The following ZNF607 variants were observed in gnomAD, a reference collection of about 807,000 sequenced individuals.
The protein encoded by ZNF607 is zinc finger protein 607.
Under a neutral mutation model 12.8 loss-of-function variants are expected in ZNF607, and 5 were observed. The observed-to-expected ratio is 0.39, with a 90% CI of 0.20 to 0.82. The LOEUF (loss-of-function observed/expected upper bound fraction) is 0.82. Among genes scored for constraint, ZNF607 ranks in the 40% least tolerant of loss-of-function variants. The pLI is 0.39. For missense variants in ZNF607, 851 were observed against 859.2 expected, an observed-to-expected ratio of 0.99 and a Z score of 0.12; for synonymous variants, 287 against 276.2, an observed-to-expected ratio of 1.04 and a Z score of -0.39.
At chr19:37,714,746 G>C (rs969493559) in intron 1 of ZNF607, among the ~76,000 whole-genome samples, 3 of 151,892 alleles carry the variant, frequency 2.0e-5, no homozygotes, top group Non-Finnish European at 4.4e-5. Context: ...CCTACTTAAC[G>C]AGACAGTTCT....
At chr19:37,702,287 C>CAAAAA (rs10714690) in intron 4 of ZNF607, among the ~76,000 whole-genome samples, 72 of 73,456 alleles carry the variant, frequency 9.8e-4, no homozygotes, top group East Asian at 2.2e-3. Context: ...AACTCCATCT[C>CAAAAA]AAAAAAAAAA....
At position 37,711,674 on chromosome 19, in the gene ZNF607, A is replaced by G. The variant is rs2045134872; in HGVS notation, c.-56T>C. On this transcript the variant is annotated 5_prime_UTR_variant, in exon 2 of 5. Transcript: ENST00000355202. The stretch of plus-strand genomic sequence containing the variant: ...TTGGCGTTTCTCTACCAGAAGAGCA[A>G]AGTCAAAAGAACCAAGACCTGAAAG... 1.3e-6 allele frequency: 2 copies of G among 1,592,460 alleles called. No homozygotes were observed. Among genetic ancestry groups the G allele is most frequent in the Non-Finnish European group, 8.6e-7 (1 of 1,160,840 alleles).
Position 37,696,868 on chromosome 19 carries a change from A to T in ZNF607, c.*1172T>A. On this transcript the variant is annotated 3_prime_UTR_variant, in exon 5 of 5. Transcript: ENST00000355202. ...TTCCTGGGGGGCCACCTGTCTGTTAACTCCTTCAAGAAGGTCAGATGTGTC... is the reference window on the plus strand; with the variant it reads ...TTCCTGGGGGGCCACCTGTCTGTTATCTCCTTCAAGAAGGTCAGATGTGTC... 1 of 741,154 alleles carries T rather than the reference A, an allele frequency of 1.3e-6. No individual in the cohort carries two copies. The allele number at this position is 741,154 out of a possible 1,614,324, so 45.9% of individuals were successfully genotyped here. A position where few individuals can be genotyped will look rare whatever the true frequency, so the allele number is the denominator to read the frequency against.
rs2045203537 is a variant in ZNF607 at position 37,719,273 on chromosome 19, C to CACAGTCCCGCAACTGCACCCACGTCA, written c.-105_-80dup. The CACAGTCCCGCAACTGCACCCACGTCA allele has an allele frequency of 6.5e-6, 1 of 153,396 alleles. No homozygotes were observed. Among genetic ancestry groups the CACAGTCCCGCAACTGCACCCACGTCA allele is most frequent in the Non-Finnish European group, 1.5e-5 (1 of 68,640 alleles). 9.5% of individuals were successfully genotyped at this position (153,396 alleles called of 1,614,324 possible). On this transcript the variant is annotated 5_prime_UTR_variant, in exon 1 of 5. Coordinates refer to ENST00000355202, the MANE Select transcript of ZNF607 (RefSeq NM_032689.5). ...CACACAAGGTCGACTACGCACCCCTCACAGTCCCGCAACTGCACCCACGTC... is the reference window on the plus strand; with the variant it reads ...CACACAAGGTCGACTACGCACCCCTCACAGTCCCGCAACTGCACCCACGTCAACAGTCCCGCAACTGCACCCACGTC...
At chr19:37,712,696 C>CATT (rs2045142876) in intron 1 of ZNF607, among the ~76,000 whole-genome samples, 1 of 152,142 alleles carries the variant, frequency 6.6e-6, no homozygotes, top group African/African-American at 2.4e-5. Context: ...TTGATTTTTT[C>CATT]ATTATTAATA....
chr19:37,703,628 C>CA (rs1476553637), intron 4 of ZNF607, among the ~76,000 whole-genome samples: 3 of 151,506 alleles, frequency 2.0e-5, no homozygotes, highest in African/African-American at 7.3e-5. Context: ...TATAACAAAC[C>CA]AAAAAAATGG....
At position 37,698,569 on chromosome 19, in the gene ZNF607, G is replaced by A; in HGVS notation, c.1562C>T (p.Thr521Ile). The change falls in exon 5 of 5, where the codon ACT (threonine) becomes ATT (isoleucine). Residue 521 changes from threonine to isoleucine, a missense_variant. Coordinates refer to ENST00000355202, the MANE Select transcript of ZNF607 (RefSeq NM_032689.5). ...ACCACTGTGAATACTCAGATGCTGAGTAAGTTGTCCAGATACACTAAAGGC... is the reference window on the plus strand; with the variant it reads ...ACCACTGTGAATACTCAGATGCTGAATAAGTTGTCCAGATACACTAAAGGC... ...GKAFSVSGQL[T>I]QHLSIHSGKK... The A allele has an allele frequency of 6.2e-7, 1 of 1,611,762 alleles. No individual in the cohort carries two copies. Among genetic ancestry groups the A allele is most frequent in the Non-Finnish European group, 8.5e-7 (1 of 1,178,222 alleles).
At position 37,709,811 on chromosome 19, in the gene ZNF607, T is replaced by A. The variant is rs778265428; in HGVS notation, c.21A>T (p.Thr7=). 6.2e-7 allele frequency: 1 copy of A among 1,613,588 alleles called. No individual in the cohort carries two copies. Among genetic ancestry groups the A allele is most frequent in the Admixed American group, 1.7e-5 (1 of 60,016 alleles). MSYGSI[T]FGDVAIDFSH... ...AGAAGTCTATGGCCACATCCCCGAA[T>A]GTTATTGATCCCTGAAACAGCAAAC... The change falls in exon 3 of 5, where the codon ACA becomes ACT. Residue 7 remains threonine, a synonymous_variant. Transcript: ENST00000355202.
chr19:37,714,196 C>T lies in ZNF607; in HGVS notation c.-74-2504G>A, dbSNP rs573851266. 5.5e-4 allele frequency among the ~76,000 whole-genome samples: 84 copies of T among 152,024 alleles called. No individual in the cohort carries two copies. In the East Asian group the frequency reaches 0.015, roughly 27 times the overall value. ...AATTAGCCAGGCGTGGTGGCGGGCG[C>T]CTGTAGTCCCAGCCACTTGGGAGGC... On this transcript the variant is annotated intron_variant, in intron 1 of 4. Coordinates refer to ENST00000355202, the MANE Select transcript of ZNF607 (RefSeq NM_032689.5).
chr19:37,705,201 T>C (rs1299600351), intron 4 of ZNF607, among the ~76,000 whole-genome samples: 2 of 152,132 alleles, frequency 1.3e-5, no homozygotes, highest in African/African-American at 2.4e-5. Flanking sequence ...AAATGACCCA[T>C]TTCAGGAATA....
chr19:37,715,234 A>C (rs1249708893), intron 1 of ZNF607, among the ~76,000 whole-genome samples: 1 of 151,696 alleles, frequency 6.6e-6, no homozygotes, highest in Admixed American at 6.6e-5. Context: ...TTTGTGCTTC[A>C]TGGGCTTTCT....
chr19:37,712,708 T>A (rs145467367), intron 1 of ZNF607, among the ~76,000 whole-genome samples: 6 of 152,222 alleles, frequency 3.9e-5, no homozygotes, highest in African/African-American at 1.4e-4. Flanking sequence ...TTATTAATAC[T>A]TCCTTCACGA....
chr19:37,696,925 T>A lies in ZNF607; in HGVS notation c.*1115A>T. The A allele has an allele frequency of 1.5e-6, 1 of 672,822 alleles. No individual in the cohort carries two copies. Among genetic ancestry groups the A allele is most frequent in the Non-Finnish European group, 2.7e-6 (1 of 368,302 alleles). 41.7% of individuals were successfully genotyped at this position (672,822 alleles called of 1,614,324 possible). ...ACGTCGTCCAGAATGAGCCCAAAGG[T>A]GGCTGCTCACTCCATAAGGTTGTTG... On this transcript the variant is annotated 3_prime_UTR_variant, in exon 5 of 5. Transcript: ENST00000355202.
Position 37,699,873 on chromosome 19 carries a change from TA to T in ZNF607, c.257del (p.Ile86LysfsTer439), listed in dbSNP as rs746917544. ...AAAGCTGCATTTTCCCATCGCTGATTATTTCACATCTTGAATCCAAATCTAG... is the reference window on the plus strand; with the variant it reads ...AAAGCTGCATTTTCCCATCGCTGATTTTTCACATCTTGAATCCAAATCTAG... ...ECTDLDSRCE[I>X]ISDGKMQLYR... is the part of the protein sequence containing the mutation. On this transcript the variant is annotated frameshift_variant, in exon 5 of 5. Coordinates refer to ENST00000355202, the MANE Select transcript of ZNF607 (RefSeq NM_032689.5). LOFTEE classifies it low-confidence loss of function (END_TRUNC). The T allele has an allele frequency of 3.8e-6, 6 of 1,592,190 alleles. No homozygotes were observed. Among genetic ancestry groups the T allele is most frequent in the Non-Finnish European group, 5.1e-6 (6 of 1,170,444 alleles).
intron 4 of ZNF607, among the ~76,000 whole-genome samples, chr19:37,704,096 T>C (rs1280487686): frequency 3.3e-5 from 5 of 151,252 alleles, no homozygotes; most frequent in African/African-American, 1.2e-4. Context: ...ACCACGCCAT[T>C]GCACTCCAGC....
chr19:37,708,221 A>G (rs1227307493), intron 3 of ZNF607, among the ~76,000 whole-genome samples: 2 of 146,498 alleles, frequency 1.4e-5, no homozygotes, highest in African/African-American at 5.1e-5. Flanking sequence ...TTTGCGACGG[A>G]GTCTCGCTCT....
rs139678133 is a variant in ZNF607 at position 37,711,590 on chromosome 19, G to A, written c.9+20C>T. ...AAAAATCACACACAAACCTCCACAT[G>A]GCGAGAAATATCAACTTACATAGGA... is the stretch of plus-strand genomic sequence containing the variant. On this transcript the variant is annotated intron_variant, in intron 2 of 4. Transcript: ENST00000355202. 4.6e-5 allele frequency: 74 copies of A among 1,613,514 alleles called. No homozygotes were observed. The East Asian group carries it at 1.6e-3, about 34-fold the overall frequency.
intron 1 of ZNF607, among the ~76,000 whole-genome samples, chr19:37,715,526 A>C (rs1347370657): frequency 2.6e-5 from 4 of 151,648 alleles, no homozygotes; most frequent in Non-Finnish European, 5.9e-5. Context: ...GAATTGCTGA[A>C]CCCAGGAGGT....
At chr19:37,700,444 G>C (rs532806162) in intron 4 of ZNF607, among the ~76,000 whole-genome samples, 20 of 152,080 alleles carry the variant, frequency 1.3e-4, no homozygotes, top group African/African-American at 2.7e-4. Flanking sequence ...TAGGATACAC[G>C]GTCATGCATA....
Sources: gnomAD v4.1 joint callset for allele counts (sites outside exome capture counted in the v4.1 genomes callset) on GRCh38, gnomAD v4.1.1 for gene constraint, MANE v1.5 for transcripts, NCBI Gene and HGNC (gene_info 2026-07-23, HGNC 2026-07-21) for gene names.